GIGYF2: variants seen among roughly 807,000 people sequenced by gnomAD.
GIGYF2 encodes GRB10-interacting GYF protein 2.
A neutral mutation model predicts 208.1 loss-of-function variants in GIGYF2; 25 were observed. That is an observed-to-expected ratio of 0.12 (90% CI 0.09 to 0.17). The LOEUF is 0.17. GIGYF2 is among the 10% of genes least tolerant of loss of function. The pLI, the probability that GIGYF2 is intolerant of heterozygous loss-of-function variation, is 1.00. For synonymous variants in GIGYF2, 534 were observed against 543.8 expected, an observed-to-expected ratio of 0.98 and a Z score of 0.25; for missense variants, 1,302 against 1,579.4, an observed-to-expected ratio of 0.82 and a Z score of 2.98.
chr2:232,795,293 G>A lies in GIGYF2; in HGVS notation c.1479+349G>A, dbSNP rs544575042. 2.9e-4 allele frequency among the ~76,000 whole-genome samples: 44 copies of A among 152,282 alleles called. No individual in the cohort carries two copies. In the South Asian group the frequency reaches 3.7e-3, roughly 13 times the overall value. ...TATTTTTTGCTTCAAGTATAACAGG[G>A]AAAATAGTTAAACTTTCAGAGCATT... On this transcript the variant is annotated intron_variant, in intron 13 of 28. Transcript: ENST00000373563.
At chr2:232,744,084 G>C (rs13399533) in intron 3 of GIGYF2, among the ~76,000 whole-genome samples, 3,549 of 152,196 alleles carry the variant, frequency 0.023, 151 homozygotes, top group African/African-American at 0.08. Context: ...GGTCTCAAGT[G>C]ATCCACCTGC....
intron 8 of GIGYF2, among the ~76,000 whole-genome samples, chr2:232,784,165 A>AT (rs1271893463): frequency 6.6e-6 from 1 of 152,176 alleles, no homozygotes; most frequent in African/African-American, 2.4e-5. Flanking sequence ...ACAGTTGGAA[A>AT]TAAGTGATGA....
At chr2:232,724,207 A>ATTTTTTTTTTTT (rs1163865821) in intron 2 of GIGYF2, among the ~76,000 whole-genome samples, 131 of 114,154 alleles carry the variant, frequency 1.1e-3, no homozygotes, top group East Asian at 2.2e-3. Context: ...ACACCTGGCT[A>ATTTTTTTTTTTT]TTTTTTTTTT....
chr2:232,844,550 A>C lies in GIGYF2; in HGVS notation c.3281A>C (p.Lys1094Thr), dbSNP rs1265400497. 3 of 1,613,656 alleles carry C rather than the reference A, an allele frequency of 1.9e-6. No individual in the cohort carries two copies. In the Admixed American group the frequency reaches 5.0e-5, roughly 27 times the overall value. ...GTGGGACCTAGGAATTCAACAAATA[A>C]AAATAAAAACAACGCCAGTCTCAGG... The part of the protein sequence containing the change: ...KEVGPRNSTN[K>T]NKNNASLSKS... Residue 1094 changes from lysine to threonine, a missense_variant, in exon 25 of 29, where the codon AAA becomes ACA. By Grantham distance (78) the Lys-to-Thr change is moderately conservative (BLOSUM62 -1). Around this residue, in one of 8 missense-constraint regions of GIGYF2, gnomAD observed 701 missense variants for 793.0 expected, o/e 0.88. Coordinates refer to ENST00000373563, the MANE Select transcript of GIGYF2 (RefSeq NM_001103146.3).
rs1302975559 is a variant in GIGYF2, at chr2:232,860,577, A to C, written c.*3717A>C. ...TAATAAAAGTATGTGAATGACTCTA[A>C]TTAAACAGAAGTGATTCTTTGAAAT... On this transcript the variant is annotated 3_prime_UTR_variant, in exon 29 of 29. Transcript: ENST00000373563. 1 of 152,158 alleles carries C rather than the reference A, an allele frequency of 6.6e-6. No homozygotes were observed. Among genetic ancestry groups the C allele is most frequent in the South Asian group, 2.1e-4 (1 of 4,834 alleles). The allele number at this position is 152,158 out of a possible 1,614,324, so 9.4% of individuals were successfully genotyped here.
rs143370656 is a variant in GIGYF2 at position 232,749,004 on chromosome 2, G to C, written c.189G>C (p.Leu63=). The C allele has an allele frequency of 3.8e-6, 6 of 1,581,996 alleles. No homozygotes were observed. The African/African-American group carries it at 8.1e-5, about 21-fold the overall frequency. ...TCCTACAGATACCTTCAGACCTTCT[G>C]GATAAAGAATTTCTGCCTATCCTCC... ...LKDNKIPSDL[L]DKEFLPILQE... is the part of the protein sequence containing the mutation. Residue 63 remains leucine (L), a synonymous_variant, in exon 5 of 29, where the codon CTG becomes CTC. Transcript: ENST00000373563.
chr2:232,839,462 A>AT (rs1174410586), intron 22 of GIGYF2, among the ~76,000 whole-genome samples: 1 of 152,186 alleles, frequency 6.6e-6, no homozygotes, highest in Non-Finnish European at 1.5e-5. Flanking sequence ...GCAGCATATC[A>AT]TGTCCTTTGT....
chr2:232,814,076 C>T (rs2044451), intron 18 of GIGYF2, among the ~76,000 whole-genome samples: 23,702 of 151,008 alleles, frequency 0.16, 1,995 homozygotes, highest in South Asian at 0.29. Flanking sequence ...TTGGTAGAGA[C>T]GGTTTCACCA....
At chr2:232,759,660 A>C (rs1018649055) in intron 6 of GIGYF2, among the ~76,000 whole-genome samples, 1 of 151,668 alleles carries the variant, frequency 6.6e-6, no homozygotes, top group South Asian at 2.1e-4. Flanking sequence ...CTAATCCTTT[A>C]TTGATTAGAT....
chr2:232,771,439 G>T, intron 8 of GIGYF2: 2 of 1,122,538 alleles, frequency 1.8e-6, no homozygotes, highest in East Asian at 2.4e-5. Flanking sequence ...TTGTGAATTT[G>T]GAGAGCTCAT....
At position 232,799,567 on chromosome 2, in the gene GIGYF2, TAATA is replaced by T. The variant is rs1206191086; in HGVS notation, c.1639+3348_1639+3351del. ...CCTGTCTTTAAAATAATAATAATAA[TAATA>T]ATAATAATAATAATACTGCTTTGAA... On this transcript the variant is annotated intron_variant, in intron 14 of 28. Coordinates refer to ENST00000373563, the MANE Select transcript of GIGYF2 (RefSeq NM_001103146.3). Among the ~76,000 whole-genome samples, 73 of 150,654 alleles carry T rather than the reference TAATA, an allele frequency of 4.8e-4. No homozygotes were observed. In the East Asian group the frequency reaches 0.012, roughly 26 times the overall value.
intron 6 of GIGYF2, among the ~76,000 whole-genome samples, chr2:232,756,879 ATTAC>A (rs1459022042): frequency 6.6e-6 from 1 of 152,128 alleles, no homozygotes; most frequent in Non-Finnish European, 1.5e-5. Context: ...TTATTTTGAT[ATTAC>A]TTGTTTCTTT....
At chr2:232,768,912 G>T in intron 8 of GIGYF2, 1 of 1,065,166 alleles carries the variant, frequency 9.4e-7, no homozygotes, top group Non-Finnish European at 1.4e-6. Flanking sequence ...CACATTTCTT[G>T]GTGCCATGCC....
At chr2:232,703,139 C>A (rs1050670600) in intron 1 of GIGYF2, among the ~76,000 whole-genome samples, 28 of 152,060 alleles carry the variant, frequency 1.8e-4, no homozygotes, top group Non-Finnish European at 2.2e-4. Flanking sequence ...GAATGAAAAC[C>A]CCAAATAATG....
intron 14 of GIGYF2, among the ~76,000 whole-genome samples, chr2:232,797,593 T>G (rs1043684590): frequency 1.3e-5 from 2 of 151,506 alleles, no homozygotes; most frequent in Non-Finnish European, 2.9e-5. Context: ...TACAGAGAGA[T>G]TCCATATACC....
chr2:232,769,560 C>T (rs1001616344), intron 8 of GIGYF2, among the ~76,000 whole-genome samples: 18 of 134,458 alleles, frequency 1.3e-4, no homozygotes, highest in African/African-American at 3.6e-4. Context: ...AACTTTGAAA[C>T]GTATTTTTAA....
At chr2:232,715,849 G>A (rs1367718252) in intron 2 of GIGYF2, among the ~76,000 whole-genome samples, 2 of 141,754 alleles carry the variant, frequency 1.4e-5, no homozygotes, top group South Asian at 2.3e-4. Context: ...CTTAAAATTC[G>A]TCTTAAACCA....
intron 18 of GIGYF2, among the ~76,000 whole-genome samples, chr2:232,813,211 A>G (rs1340381019): frequency 7.5e-6 from 1 of 132,848 alleles, no homozygotes; most frequent in African/African-American, 2.9e-5. Context: ...TTTTTTTGAG[A>G]CAGACTCTTG....
rs1464052424 is a variant in GIGYF2, at chr2:232,767,750, A to T, written c.532+6314A>T. 4 of 174,774 alleles carry T rather than the reference A, an allele frequency of 2.3e-5. 1 individual carries two copies. Among genetic ancestry groups the T allele is most frequent in the Non-Finnish European group, 4.9e-5 (4 of 81,476 alleles). The allele number at this position is 174,774 out of a possible 1,614,324, so 10.8% of individuals were successfully genotyped here. ...TGAAAAAAATCCCAGCTCTTAAAGG[A>T]TATTCACTAAGTATAGTGAAGTCGT... On this transcript the variant is annotated intron_variant, in intron 8 of 28. Transcript: ENST00000373563.
Sources: gnomAD v4.1 joint callset for allele counts (sites outside exome capture counted in the v4.1 genomes callset) on GRCh38, gnomAD v4.1.1 for gene constraint, gnomAD v4.1.1 regional missense constraint, MANE v1.5 for transcripts, NCBI Gene and HGNC (gene_info 2026-07-23, HGNC 2026-07-21) for gene names.